RBFOX3: variants seen among roughly 807,000 people sequenced by gnomAD.
RBFOX3 encodes RNA binding protein fox-1 homolog 3.
RBFOX3 carries 17 observed loss-of-function variants against 48.7 expected under a neutral mutation model. The observed-to-expected ratio is 0.35, with a 90% CI of 0.24 to 0.52. The LOEUF (loss-of-function observed/expected upper bound fraction) is 0.52, where lower values mean the gene tolerates loss of function less well. Ranked by LOEUF, RBFOX3 falls within the 20% of genes least tolerant of loss-of-function variation. The probability of loss-of-function intolerance (pLI) is 0.94; values close to 1 mark genes in which losing one functional copy is unlikely to be tolerated. For synonymous variants in RBFOX3, 212 were observed against 209.5 expected, an observed-to-expected ratio of 1.01 and a Z score of -0.10; for missense variants, 382 against 497.5, an observed-to-expected ratio of 0.77 and a Z score of 2.21.
chr17:79,303,880 C>T (rs995904234), intron 3 of RBFOX3, among the ~76,000 whole-genome samples: 1 of 106,258 alleles, frequency 9.4e-6, no homozygotes, highest in African/African-American at 3.8e-5. Flanking sequence ...TGTGTGTGTG[C>T]ATGTGTGTAC....
chr17:79,544,253 A>T (rs1555791176), intron 1 of RBFOX3, among the ~76,000 whole-genome samples: 1 of 151,554 alleles, frequency 6.6e-6, no homozygotes, highest in Non-Finnish European at 1.5e-5. Flanking sequence ...TGTGGAAGAA[A>T]CCCTGAGATC....
intron 4 of RBFOX3, among the ~76,000 whole-genome samples, chr17:79,133,887 G>C (rs1276772047): frequency 6.6e-6 from 1 of 152,220 alleles, no homozygotes; most frequent in Non-Finnish European, 1.5e-5. Context: ...AGCAGCCCCT[G>C]GGCCTCTCTC....
At chr17:79,411,262 A>G (rs2064289023) in intron 2 of RBFOX3, among the ~76,000 whole-genome samples, 2 of 152,146 alleles carry the variant, frequency 1.3e-5, no homozygotes, top group African/African-American at 2.4e-5. Flanking sequence ...GAAGGGTCCC[A>G]AAGGCATTTT....
intron 2 of RBFOX3, among the ~76,000 whole-genome samples, chr17:79,345,868 C>T (rs1441080842): frequency 6.6e-6 from 1 of 151,984 alleles, no homozygotes. Context: ...TTTTTTTATA[C>T]TCATTTGATG....
chr17:79,504,609 C>A (rs953682601), intron 1 of RBFOX3, among the ~76,000 whole-genome samples: 3 of 152,186 alleles, frequency 2.0e-5, no homozygotes, highest in Non-Finnish European at 4.4e-5. Flanking sequence ...TCGCTCCAGT[C>A]TCTGCTTCTG....
intron 2 of RBFOX3, among the ~76,000 whole-genome samples, chr17:79,318,085 C>T (rs549038352): frequency 7.9e-5 from 12 of 152,344 alleles, no homozygotes; most frequent in Non-Finnish European, 1.3e-4. Flanking sequence ...TGCCTGGCTG[C>T]TGCTGACAAA....
intron 4 of RBFOX3, among the ~76,000 whole-genome samples, chr17:79,143,682 TA>T (rs1257352777): frequency 1.3e-5 from 2 of 151,954 alleles, no homozygotes; most frequent in Admixed American, 6.5e-5. Flanking sequence ...AGGAACGGGG[TA>T]GGGGACCGTC....
intron 1 of RBFOX3, among the ~76,000 whole-genome samples, chr17:79,592,695 T>C (rs2093457618): frequency 6.6e-6 from 1 of 152,156 alleles, no homozygotes; most frequent in South Asian, 2.1e-4. Flanking sequence ...ACACCAGGAC[T>C]CTCCCAGGGA....
intron 4 of RBFOX3, among the ~76,000 whole-genome samples, chr17:79,124,559 A>G (rs1568176429): frequency 1.3e-5 from 2 of 152,256 alleles, no homozygotes; most frequent in African/African-American, 4.8e-5. Flanking sequence ...GGTGAGCTCC[A>G]TAAAGGCTAA....
intron 3 of RBFOX3, among the ~76,000 whole-genome samples, chr17:79,298,676 CCT>C (rs1320823693): frequency 6.6e-6 from 1 of 152,152 alleles, no homozygotes; most frequent in Non-Finnish European, 1.5e-5. Flanking sequence ...GAAGGTGCCC[CCT>C]GAGATCCGAG....
At chr17:79,138,584 A>G (rs1466708387) in intron 4 of RBFOX3, among the ~76,000 whole-genome samples, 1 of 149,888 alleles carries the variant, frequency 6.7e-6, no homozygotes, top group Non-Finnish European at 1.5e-5. Context: ...TTACACCTGT[A>G]TGGTGATGCA....
chr17:79,135,115 T>C (rs2039878592), intron 4 of RBFOX3: 1 of 152,262 alleles, frequency 6.6e-6, no homozygotes, highest in Admixed American at 6.5e-5. Context: ...TCTAGAACCC[T>C]GGCCCAGGGG....
At chr17:79,349,615 G>A (rs888766772) in intron 2 of RBFOX3, among the ~76,000 whole-genome samples, 2 of 152,070 alleles carry the variant, frequency 1.3e-5, no homozygotes, top group Non-Finnish European at 2.9e-5. Context: ...TGCGACTCCA[G>A]TCTGATGTCT....
At chr17:79,394,647 C>T (rs1286755568) in intron 2 of RBFOX3, among the ~76,000 whole-genome samples, 6 of 152,170 alleles carry the variant, frequency 3.9e-5, no homozygotes, top group Non-Finnish European at 7.3e-5. Context: ...AACAAATGGC[C>T]CCCACTCTAA....
chr17:79,227,465 C>G (rs1179221489), intron 4 of RBFOX3, among the ~76,000 whole-genome samples: 1 of 152,102 alleles, frequency 6.6e-6, no homozygotes, highest in East Asian at 1.9e-4. Context: ...TTGTTTGGCT[C>G]CTTGTTGCAT....
At chr17:79,273,163 T>A (rs749713) in intron 3 of RBFOX3, among the ~76,000 whole-genome samples, 5 of 152,118 alleles carry the variant, frequency 3.3e-5, no homozygotes, top group African/African-American at 1.2e-4. Flanking sequence ...CTGCCCTGCC[T>A]GTGCCAGCAG....
At chr17:79,357,856 T>C (rs896454880) in intron 2 of RBFOX3, among the ~76,000 whole-genome samples, 11 of 151,742 alleles carry the variant, frequency 7.2e-5, no homozygotes, top group African/African-American at 2.7e-4. Flanking sequence ...CCAATTAAGT[T>C]CATTTTTTTA....
chr17:79,567,159 AT>A (rs1221468248), intron 1 of RBFOX3, among the ~76,000 whole-genome samples: 5 of 108,178 alleles, frequency 4.6e-5, no homozygotes, highest in African/African-American at 6.5e-5. Context: ...AACATGTGCT[AT>A]TTTTTTTCTT....
Position 79,508,444 on chromosome 17 carries a change from C to T in RBFOX3, c.-319-25846G>A, listed in dbSNP as rs935021559. Among the ~76,000 whole-genome samples, 253 of 152,314 alleles carry T rather than the reference C, an allele frequency of 1.7e-3. No homozygotes were observed. The South Asian group carries it at 0.019, about 11-fold the overall frequency. The stretch of plus-strand genomic sequence containing the variant: ...GGCCGCCGCCCACCGCCTCCCTGAC[C>T]GCCCGAGGCCGCCCACTGCCTCCCT... On this transcript the variant is annotated intron_variant, in intron 1 of 14. Coordinates refer to ENST00000693108, the MANE Select transcript of RBFOX3 (RefSeq NM_001350451.2).
Sources: gnomAD v4.1 joint callset for allele counts (sites outside exome capture counted in the v4.1 genomes callset) on GRCh38, gnomAD v4.1.1 for gene constraint, MANE v1.5 for transcripts, NCBI Gene and HGNC (gene_info 2026-07-23, HGNC 2026-07-21) for gene names.